ADAM22: variants seen among roughly 807,000 people sequenced by gnomAD.
ADAM22 encodes the protein disintegrin and metalloproteinase domain-containing protein 22.
Under a neutral mutation model 144.6 loss-of-function variants are expected in ADAM22, and 65 were observed. That is an observed-to-expected ratio of 0.45 (90% CI 0.37 to 0.55). The LOEUF is 0.55. Among genes scored for constraint, ADAM22 ranks in the 20% least tolerant of loss-of-function variants. The pLI, the probability that ADAM22 is intolerant of heterozygous loss-of-function variation, is 0.00. For synonymous variants in ADAM22, 391 were observed against 412.6 expected (o/e 0.95, Z 0.63); for missense variants, 974 against 1,184.9 (o/e 0.82, Z 2.61).
chr7:88,134,679 C>T (rs1014678702), intron 13 of ADAM22, among the ~76,000 whole-genome samples: 1 of 152,152 alleles, frequency 6.6e-6, no homozygotes. Flanking sequence ...TTATAAGGGA[C>T]AAAATTAGCC....
chr7:87,984,013 A>G (rs1854341468), intron 3 of ADAM22, among the ~76,000 whole-genome samples: 1 of 152,188 alleles, frequency 6.6e-6, no homozygotes, highest in Non-Finnish European at 1.5e-5. Flanking sequence ...GATGCTGATA[A>G]TAAACTTGAC....
At position 87,953,868 on chromosome 7, in the gene ADAM22, G is replaced by T. The variant is rs570419210; in HGVS notation, c.246+18682G>T. ...ATATTTAGGATAGTTAGCTCTTCTTGTTGAATTGATCCCTTTACCATTATG... is the reference window on the plus strand; with the variant it reads ...ATATTTAGGATAGTTAGCTCTTCTTTTTGAATTGATCCCTTTACCATTATG... On this transcript the variant is annotated intron_variant, in intron 2 of 31. Transcript: ENST00000413139. 3.1e-3 allele frequency among the ~76,000 whole-genome samples: 478 copies of T among 152,286 alleles called. 3 individuals carry two copies. Among genetic ancestry groups the T allele is most frequent in the African/African-American group, 0.011 (442 of 41,554 alleles).
rs894657114 is a variant in ADAM22 at position 87,991,663 on chromosome 7, G to T, written c.323+13251G>T. 2.0e-5 allele frequency among the ~76,000 whole-genome samples: 3 copies of T among 152,284 alleles called. No homozygotes were observed. The South Asian group carries it at 6.2e-4, about 32-fold the overall frequency. On this transcript the variant is annotated intron_variant, in intron 3 of 31. Transcript: ENST00000413139. ...TTACAGGCGTGAGCCACCGCGCCCG[G>T]CACTAGCCTTATTTTTAATCAAGTA...
At chr7:88,084,315 T>A (rs1320250222) in intron 4 of ADAM22, among the ~76,000 whole-genome samples, 1 of 152,206 alleles carries the variant, frequency 6.6e-6, no homozygotes, top group Non-Finnish European at 1.5e-5. Flanking sequence ...GCAGTTTCTT[T>A]GTTGATGGTT....
intron 23 of ADAM22, among the ~76,000 whole-genome samples, chr7:88,164,480 A>C (rs1842503257): frequency 6.6e-6 from 1 of 152,090 alleles, no homozygotes; most frequent in African/African-American, 2.4e-5. Context: ...TCAAAAAATT[A>C]ATATAAGAAA....
intron 4 of ADAM22, among the ~76,000 whole-genome samples, chr7:88,086,430 G>A (rs1818466536): frequency 6.6e-6 from 1 of 152,066 alleles, no homozygotes; most frequent in Non-Finnish European, 1.5e-5. Flanking sequence ...TCATGTAGCT[G>A]TGCATAATTC....
chr7:88,000,197 C>T (rs1043202449), intron 3 of ADAM22, among the ~76,000 whole-genome samples: 8 of 152,000 alleles, frequency 5.3e-5, no homozygotes, highest in African/African-American at 1.9e-4. Context: ...GAAAAATAAA[C>T]AGCTCCCCTG....
At position 88,070,924 on chromosome 7, in the gene ADAM22, A is replaced by C. The variant is rs143218477; in HGVS notation, c.324-4702A>C. ...TAGAGATGTGAGGAGAGAGATTTAG[A>C]AGGATCTTCTCAGAGTAAATTGACT... is the stretch of plus-strand genomic sequence containing the variant. On this transcript the variant is annotated intron_variant, in intron 3 of 31. Transcript: ENST00000413139. Among the ~76,000 whole-genome samples, 8 of 152,242 alleles carry C rather than the reference A, an allele frequency of 5.3e-5. No individual in the cohort carries two copies. The East Asian group carries it at 1.5e-3, about 29-fold the overall frequency.
At chr7:88,065,795 A>G (rs1811083828) in intron 3 of ADAM22, among the ~76,000 whole-genome samples, 1 of 152,104 alleles carries the variant, frequency 6.6e-6, no homozygotes, top group African/African-American at 2.4e-5. Context: ...TCTATTTTAA[A>G]ATTATTCAAA....
At chr7:88,132,840 A>G (rs1295891857) in intron 11 of ADAM22, 27 bp from the exon 12 acceptor site, 1 of 1,597,104 alleles carries the variant, frequency 6.3e-7, no homozygotes, top group Admixed American at 1.7e-5. Context: ...GTGAACAGTA[A>G]GCATTTTTCA....
intron 4 of ADAM22, among the ~76,000 whole-genome samples, chr7:88,082,080 C>G (rs1445978438): frequency 1.3e-5 from 2 of 152,174 alleles, no homozygotes; most frequent in African/African-American, 4.8e-5. Context: ...TACCTGACTT[C>G]AAACTATACT....
At chr7:88,017,591 C>A (rs930820953) in intron 3 of ADAM22, among the ~76,000 whole-genome samples, 2 of 151,848 alleles carry the variant, frequency 1.3e-5, no homozygotes, top group Admixed American at 6.6e-5. Flanking sequence ...AAATTTAATT[C>A]TTGAAATATA....
intron 3 of ADAM22, among the ~76,000 whole-genome samples, chr7:88,056,087 A>G (rs1808179926): frequency 1.3e-5 from 2 of 152,192 alleles, no homozygotes; most frequent in African/African-American, 4.8e-5. Context: ...TCCTGCTTCC[A>G]TTTAATTTCA....
intron 29 of ADAM22, among the ~76,000 whole-genome samples, chr7:88,185,375 T>C (rs1260290441): frequency 6.6e-6 from 1 of 152,198 alleles, no homozygotes; most frequent in Non-Finnish European, 1.5e-5. Context: ...CTGATATTTT[T>C]ATATAATTGG....
chr7:88,072,916 G>T (rs17150190), intron 3 of ADAM22, among the ~76,000 whole-genome samples: 4,412 of 152,236 alleles, frequency 0.029, 233 homozygotes, highest in African/African-American at 0.1. Context: ...TACCAGTTTT[G>T]CCTGAGGCAG....
chr7:88,006,489 G>C (rs28814435), intron 3 of ADAM22, among the ~76,000 whole-genome samples: 61,384 of 151,612 alleles, frequency 0.4, 13,502 homozygotes, highest in East Asian at 0.59. Flanking sequence ...GAACATTGAT[G>C]CAAAAATCCT....
At chr7:87,961,334 T>C (rs1467268053) in intron 2 of ADAM22, among the ~76,000 whole-genome samples, 1 of 152,170 alleles carries the variant, frequency 6.6e-6, no homozygotes, top group African/African-American at 2.4e-5. Flanking sequence ...TATTGGAAAC[T>C]GTTCTGGGAG....
At chr7:88,034,176 C>A (rs1800951847) in intron 3 of ADAM22, among the ~76,000 whole-genome samples, 1 of 152,148 alleles carries the variant, frequency 6.6e-6, no homozygotes, top group South Asian at 2.1e-4. Flanking sequence ...ATCTCAGAGT[C>A]TCACCCCAGG....
In ADAM22 at chr7:88,200,416, G is replaced by A. The variant is rs892393704; in HGVS notation, c.*3925G>A. The A allele has an allele frequency of 6.6e-6, 1 of 152,210 alleles. No homozygotes were observed. The highest frequency in any genetic ancestry group is 2.4e-5 in the African/African-American group (1 of 41,446). The allele number at this position is 152,210 out of a possible 1,614,324, so 9.4% of individuals were successfully genotyped here. On this transcript the variant is annotated 3_prime_UTR_variant, in exon 32 of 32. Transcript: ENST00000413139. Reference sequence around the variant, plus strand: ...AGCCAAGTTAGGAACTGGCAGGAGCGAGGAGGGACAAGACAGCTGCCTGCA... The same window carrying A: ...AGCCAAGTTAGGAACTGGCAGGAGCAAGGAGGGACAAGACAGCTGCCTGCA...
Sources: allele counts gnomAD v4.1 joint callset (sites outside exome capture counted in the v4.1 genomes callset), GRCh38; gene constraint gnomAD v4.1.1; transcripts MANE v1.5; gene names NCBI Gene and HGNC (gene_info 2026-07-23, HGNC 2026-07-21).